ZNF423: variants seen among roughly 807,000 people sequenced by gnomAD.
ZNF423 encodes the protein Ebf-associated zinc finger protein.
In ZNF423, 12 loss-of-function variants were observed where a neutral mutation model predicts 95.8. The ratio of observed to expected loss-of-function variants is 0.13; its 90% CI spans 0.08 to 0.20. The LOEUF (loss-of-function observed/expected upper bound fraction) is 0.20, where lower values mean the gene tolerates loss of function less well. Ranked by LOEUF, ZNF423 falls within the 10% of genes least tolerant of loss-of-function variation. ZNF423 has a pLI of 1.00. For synonymous variants in ZNF423, 749 were observed against 711.9 expected (o/e 1.05, Z -0.83); for missense variants, 1,316 against 1,737.1 (o/e 0.76, Z 4.31).
At chr16:49,731,934 G>C (rs778555343) in intron 2 of ZNF423, among the ~76,000 whole-genome samples, 3 of 152,226 alleles carry the variant, frequency 2.0e-5, no homozygotes, top group Non-Finnish European at 2.9e-5. Flanking sequence ...ACTGTGCAGA[G>C]AGTGGCTAAT....
chr16:49,787,411 T>G (rs945938383), intron 2 of ZNF423, among the ~76,000 whole-genome samples: 1 of 152,060 alleles, frequency 6.6e-6, no homozygotes, highest in South Asian at 2.1e-4. Context: ...CCTCTCCCCA[T>G]AGCTGAGCAG....
chr16:49,766,621 C>CAGGCCT (rs2143678534), intron 2 of ZNF423, among the ~76,000 whole-genome samples: 1 of 152,356 alleles, frequency 6.6e-6, no homozygotes, highest in African/African-American at 2.4e-5. Context: ...CAAAACACTA[C>CAGGCCT]AGGCCTGAGC....
chr16:49,570,477 T>C (rs951432989), intron 5 of ZNF423, among the ~76,000 whole-genome samples: 1 of 152,212 alleles, frequency 6.6e-6, no homozygotes, highest in Non-Finnish European at 1.5e-5. Flanking sequence ...TTGGGGGGTA[T>C]TTATTTAATT....
At chr16:49,726,597 G>A (rs1245848233) in intron 3 of ZNF423, among the ~76,000 whole-genome samples, 2 of 152,034 alleles carry the variant, frequency 1.3e-5, no homozygotes, top group African/African-American at 4.8e-5. Context: ...GAATTGACAG[G>A]GACTGCCCAT....
Position 49,637,436 on chromosome 16 carries a change from G to C in ZNF423, c.1740C>G (p.Pro580=). The C allele has an allele frequency of 6.2e-7, 1 of 1,614,118 alleles. No homozygotes were observed. Among genetic ancestry groups the C allele is most frequent in the Non-Finnish European group, 8.5e-7 (1 of 1,180,036 alleles). ...VYSCPYCTNS[P]IFGSILKLTK... is the part of the protein sequence containing the mutation. ...TGAGTTTCAGGATGGAGCCAAAGAT[G>C]GGGGAGTTGGTGCAGTAGGGGCAGG... The change falls in exon 4 of 8, where the codon CCC becomes CCG. Residue 580 remains proline, a synonymous_variant. Coordinates refer to ENST00000563137, the MANE Select transcript of ZNF423 (RefSeq NM_001379286.1). This position sits in a 1 kb window ranked among gnomAD's most constrained non-coding sequence, Gnocchi z 5.6.
intron 3 of ZNF423, among the ~76,000 whole-genome samples, chr16:49,729,834 CA>C (rs1370659425): frequency 6.6e-6 from 1 of 152,060 alleles, no homozygotes; most frequent in Non-Finnish European, 1.5e-5. Context: ...GTAGAAAAAG[CA>C]AGAGCTTTGG....
At chr16:49,820,435 G>C (rs1167481294) in intron 1 of ZNF423, among the ~76,000 whole-genome samples, 1 of 152,216 alleles carries the variant, frequency 6.6e-6, no homozygotes, top group African/African-American at 2.4e-5. Flanking sequence ...TAGCAAACAA[G>C]AGCTGACAAT....
At chr16:49,562,986 A>G (rs1335102791) in intron 5 of ZNF423, among the ~76,000 whole-genome samples, 1 of 152,122 alleles carries the variant, frequency 6.6e-6, no homozygotes, top group Non-Finnish European at 1.5e-5. Flanking sequence ...GGGTTTCACC[A>G]TGTGGCCAGG....
At chr16:49,666,114 A>C (rs2030531340) in intron 3 of ZNF423, among the ~76,000 whole-genome samples, 1 of 152,212 alleles carries the variant, frequency 6.6e-6, no homozygotes, top group Non-Finnish European at 1.5e-5. Context: ...GGGGAGACGG[A>C]ATGCGGCCCC....
chr16:49,714,903 A>G (rs1179608503), intron 3 of ZNF423, among the ~76,000 whole-genome samples: 5 of 152,118 alleles, frequency 3.3e-5, no homozygotes, highest in African/African-American at 1.2e-4. Context: ...CATTTCTGGA[A>G]TGGGAAGGGA....
At chr16:49,815,259 C>T (rs1318614416) in intron 1 of ZNF423, among the ~76,000 whole-genome samples, 1 of 152,128 alleles carries the variant, frequency 6.6e-6, no homozygotes, top group Non-Finnish European at 1.5e-5. Context: ...CCCTGATACC[C>T]CCAGCTGCTC....
intron 3 of ZNF423, 115 bp downstream of exon 3, chr16:49,730,656 A>G: frequency 8.8e-7 from 1 of 1,139,160 alleles, no homozygotes. Flanking sequence ...ATAAAATGAC[A>G]TTAACTGTAA....
chr16:49,619,257 G>A (rs936711294), intron 5 of ZNF423, among the ~76,000 whole-genome samples: 9 of 151,924 alleles, frequency 5.9e-5, no homozygotes, highest in South Asian at 2.1e-4. Context: ...CTGGGTTAGC[G>A]GCCCCTCACA....
At position 49,723,837 on chromosome 16, in the gene ZNF423, G is replaced by A. The variant is rs532344948; in HGVS notation, c.301+6934C>T. 3.9e-5 allele frequency among the ~76,000 whole-genome samples: 6 copies of A among 152,238 alleles called. No homozygotes were observed. The South Asian group carries it at 1.0e-3, about 26-fold the overall frequency. On this transcript the variant is annotated intron_variant, in intron 3 of 7. Transcript: ENST00000563137. ...AGAGAGCCATCTGTCCTCCACTGTC[G>A]TGCAGGGACACCCTTCTCATACACT...
intron 2 of ZNF423, among the ~76,000 whole-genome samples, chr16:49,785,953 T>A (rs2034304272): frequency 6.6e-6 from 1 of 152,136 alleles, no homozygotes; most frequent in Non-Finnish European, 1.5e-5. Context: ...CGAAAGAGAA[T>A]CCACACAGTT....
chr16:49,533,679 G>A (rs1228157127), intron 5 of ZNF423, among the ~76,000 whole-genome samples: 3 of 152,162 alleles, frequency 2.0e-5, no homozygotes, highest in African/African-American at 7.2e-5. Flanking sequence ...GATCCTTCAG[G>A]GAGTGGGGAA....
intron 3 of ZNF423, among the ~76,000 whole-genome samples, chr16:49,653,449 C>G (rs1973493263): frequency 6.6e-6 from 1 of 152,136 alleles, no homozygotes; most frequent in Non-Finnish European, 1.5e-5. Context: ...ATAGGTGAAG[C>G]TTTTCTGTAA....
At chr16:49,724,618 G>A (rs542038830) in intron 3 of ZNF423, among the ~76,000 whole-genome samples, 2 of 152,350 alleles carry the variant, frequency 1.3e-5, no homozygotes, top group South Asian at 4.1e-4. Flanking sequence ...GCGCTGGCCA[G>A]CCGGCCGACA....
At chr16:49,804,239 G>C (rs528739039) in intron 1 of ZNF423, among the ~76,000 whole-genome samples, 10 of 152,052 alleles carry the variant, frequency 6.6e-5, no homozygotes, top group Non-Finnish European at 1.5e-4. Flanking sequence ...CCCGCCTTCA[G>C]ATGAGTTTCT....
Sources: gnomAD v4.1 joint callset for allele counts (sites outside exome capture counted in the v4.1 genomes callset) on GRCh38, gnomAD v4.1.1 for gene constraint, Gnocchi (gnomAD v3.1) non-coding constraint, MANE v1.5 for transcripts, NCBI Gene and HGNC (gene_info 2026-07-23, HGNC 2026-07-21) for gene names.